Variants in LMTK3 observed in about 807,000 individuals in gnomAD.
The protein encoded by LMTK3 is serine/threonine-protein kinase LMTK3.
Under a neutral mutation model 116.7 loss-of-function variants are expected in LMTK3, and 27 were observed. The observed-to-expected ratio is 0.23, with a 90% CI of 0.17 to 0.32. The LOEUF is 0.32. Ranked by LOEUF, LMTK3 falls within the 10% of genes least tolerant of loss-of-function variation. The probability of loss-of-function intolerance (pLI) is 1.00; values close to 1 mark genes in which losing one functional copy is unlikely to be tolerated. For missense variants in LMTK3, 1,764 were observed against 2,068.5 expected (o/e 0.85, Z 2.86); for synonymous variants, 965 against 971.0 (o/e 0.99, Z 0.11).
At chr19:48,503,789 T>TTCTCTCTC (rs148406252) in intron 5 of LMTK3, among the ~76,000 whole-genome samples, 5 of 149,502 alleles carry the variant, frequency 3.3e-5, no homozygotes, top group African/African-American at 9.9e-5. Context: ...ACCTACAGTT[T>TTCTCTCTC]TCTCTCTCTC....
chr19:48,487,422 G>A (rs116029028), intron 14 of LMTK3, among the ~76,000 whole-genome samples: 3,009 of 152,134 alleles, frequency 0.02, 53 homozygotes, highest in Middle Eastern at 0.14. Context: ...TGATCTGCCC[G>A]CCTTGGTCTC....
At position 48,498,366 on chromosome 19, in the gene LMTK3, C is replaced by T. The variant is rs374685950; in HGVS notation, c.2703G>A (p.Pro901=). The T allele has an allele frequency of 5.6e-6, 9 of 1,612,872 alleles. No individual in the cohort carries two copies. The highest frequency in any genetic ancestry group is 3.3e-5 in the South Asian group (3 of 91,060). Residue 901 remains proline (P), a synonymous_variant, in exon 11 of 15, where the codon CCG becomes CCA. Transcript: ENST00000600059. ...GGACTGTCGGGTCCCTGTTCAGGCC[C>T]GGGACTTTCTCTCTGTTCCCGGGGC... The part of the protein sequence containing the change: ...GRGPGNREKV[P]GLNRDPTVLG...
intron 5 of LMTK3, among the ~76,000 whole-genome samples, chr19:48,506,036 G>A (rs888758464): frequency 6.6e-6 from 1 of 151,728 alleles, no homozygotes; most frequent in Non-Finnish European, 1.5e-5. Flanking sequence ...CAGCTACTCT[G>A]GAGGCTGAGG....
intron 14 of LMTK3, among the ~76,000 whole-genome samples, chr19:48,488,306 C>G (rs1396270252): frequency 1.3e-5 from 2 of 152,120 alleles, no homozygotes; most frequent in Admixed American, 1.3e-4. Context: ...GCCCCCAGAC[C>G]TGTCCCACCT....
In LMTK3 at chr19:48,511,592, A is replaced by G. The variant is rs577629458; in HGVS notation, c.-16T>C. On this transcript the variant is annotated 5_prime_UTR_variant, in exon 1 of 15. Transcript: ENST00000600059. ...GGGCAGGCATCTTGTCGAGGATGGC[A>G]GGGAGGTGGAGGTGGTGGCGGCTGG... 2 of 739,548 alleles carry G rather than the reference A, an allele frequency of 2.7e-6. No homozygotes were observed. The highest frequency in any genetic ancestry group is 3.4e-6 in the Non-Finnish European group (2 of 586,416). The allele number at this position is 739,548 out of a possible 1,614,324, so 45.8% of individuals were successfully genotyped here.
upstream of LMTK3, chr19:48,513,520 T>C: frequency 3.3e-6 from 1 of 301,264 alleles, no homozygotes; most frequent in Non-Finnish European, 6.3e-6. The surrounding 1 kb of genome is among the most constrained non-coding windows in gnomAD (Gnocchi z 5.6). Context: ...CATCCCACCC[T>C]CCAGCGCCCC....
In LMTK3 at chr19:48,499,603, C is replaced by T. The variant is rs1972422235; in HGVS notation, c.1466G>A (p.Gly489Asp). The T allele has an allele frequency of 3.9e-6, 6 of 1,541,792 alleles. No individual in the cohort carries two copies. The highest frequency in any genetic ancestry group is 1.2e-5 in the South Asian group (1 of 83,694). The change falls in exon 11 of 15, where the codon GGC becomes GAC. Residue 489 changes from glycine to aspartate, a missense_variant. Around this residue, in one of 7 missense-constraint regions of LMTK3, gnomAD observed 1,028 missense variants for 1,050.6 expected, o/e 0.98. Coordinates refer to ENST00000600059, the MANE Select transcript of LMTK3 (RefSeq NM_001388485.1). Reference protein sequence around the residue: ...CLWEKARRGAGRGGGAPAWQP... With the variant: ...CLWEKARRGADRGGGAPAWQP... ...CCAGGCAGGTGCCCCCCCACCCCGG[C>T]CGGCCCCACGCCGGGCCTTCTCCCA...
chr19:48,499,927 G>C lies in LMTK3; in HGVS notation c.1152-10C>G, dbSNP rs1323872037. The C allele has an allele frequency of 1.9e-6, 3 of 1,577,816 alleles. 1 individual carries two copies. The highest frequency in any genetic ancestry group is 8.6e-7 in the Non-Finnish European group (1 of 1,164,240). On this transcript the variant is annotated splice_polypyrimidine_tract_variant and intron_variant, in intron 10 of 14. Transcript: ENST00000600059. ...CTGAAGAATGTCATACCTGGGGAGA[G>C]GTGGGGCAGAGTGAGCAGGGCAGAG... is the stretch of plus-strand genomic sequence containing the variant.
Position 48,499,559 on chromosome 19 carries a change from G to A in LMTK3, c.1510C>T (p.Pro504Ser). ...TTGGAGGGGTTGGCGTGGGGGGCCG[G>A]GGGGGCCGACGCCGGCTGCCAGGCA... ...APAWQPASAP[P>S]APHANPSNPF... The change falls in exon 11 of 15, where the codon CCG (proline) becomes TCG (serine). Residue 504 changes from proline (P) to serine (S), a missense_variant. Pro to Ser is a moderately conservative substitution (Grantham distance 74). Coordinates refer to ENST00000600059, the MANE Select transcript of LMTK3 (RefSeq NM_001388485.1). 1 of 1,519,218 alleles carries A rather than the reference G, an allele frequency of 6.6e-7. No homozygotes were observed. Among genetic ancestry groups the A allele is most frequent in the African/African-American group, 1.4e-5 (1 of 71,454 alleles). The allele number at this position is 1,519,218 out of a possible 1,614,324, so 94.1% of individuals were successfully genotyped here.
chr19:48,498,410 G>C lies in LMTK3; in HGVS notation c.2659C>G (p.Pro887Ala), dbSNP rs1057278322. The change falls in exon 11 of 15, where the codon CCC (proline) becomes GCC (alanine). Residue 887 changes from proline (P) to alanine (A), a missense_variant. By Grantham distance (27) the Pro-to-Ala change is conservative. This residue lies in a region of LMTK3 where 1,028 missense variants were observed against 1,050.6 expected (regional missense o/e 0.98). Coordinates refer to ENST00000600059, the MANE Select transcript of LMTK3 (RefSeq NM_001388485.1). The part of the protein sequence containing the change: ...EKGATARETG[P>A]RKAGRGPGNR... The stretch of plus-strand genomic sequence containing the variant: ...CCGGGGCCTCTCCCCGCCTTCCTGG[G>C]TCCTGTCTCCCGGGCTGTCGCCCCC... 2 of 1,610,218 alleles carry C rather than the reference G, an allele frequency of 1.2e-6. No homozygotes were observed. The highest frequency in any genetic ancestry group is 1.7e-6 in the Non-Finnish European group (2 of 1,178,566).
Position 48,502,429 on chromosome 19 carries a change from C to T in LMTK3, c.794+4G>A. The T allele has an allele frequency of 6.2e-7, 1 of 1,609,886 alleles. No individual in the cohort carries two copies. The highest frequency in any genetic ancestry group is 8.5e-7 in the Non-Finnish European group (1 of 1,178,812). On this transcript the variant is annotated splice_donor_region_variant and intron_variant, in intron 7 of 14. Transcript: ENST00000600059. ...CTCCTCCCGCGGCTCCCCGGCCCGC[C>T]CACCTGTGCACGTAGTTGTGGGAAT...
chr19:48,508,905 G>T lies in LMTK3; in HGVS notation c.503C>A (p.Ala168Asp). 1.2e-6 allele frequency: 2 copies of T among 1,613,588 alleles called. No homozygotes were observed. The highest frequency in any genetic ancestry group is 2.2e-5 in the South Asian group (2 of 91,064). ...GCGTTGCTCCAGGGGCCCCGCGCTGGCTCGGAGCTCCTTCACCACCACCTG... is the reference window on the plus strand; with the variant it reads ...GCGTTGCTCCAGGGGCCCCGCGCTGTCTCGGAGCTCCTTCACCACCACCTG... ...PAQVVVKELR[A>D]SAGPLEQRKF... The change falls in exon 5 of 15, where the codon GCC (alanine) becomes GAC (aspartate). Residue 168 changes from alanine to aspartate, a missense_variant. Ala to Asp is a moderately radical substitution (Grantham distance 126, BLOSUM62 -2). Around this residue, in one of 7 missense-constraint regions of LMTK3, gnomAD observed 271 missense variants for 478.2 expected, o/e 0.57. Coordinates refer to ENST00000600059, the MANE Select transcript of LMTK3 (RefSeq NM_001388485.1).
Position 48,491,632 on chromosome 19 carries a change from C to T in LMTK3, c.4093-93G>A. 1.7e-6 allele frequency: 2 copies of T among 1,149,698 alleles called. No individual in the cohort carries two copies. The highest frequency in any genetic ancestry group is 2.2e-6 in the Non-Finnish European group (2 of 895,342). The allele number at this position is 1,149,698 out of a possible 1,614,324, so 71.2% of individuals were successfully genotyped here. A position where few individuals can be genotyped will look rare whatever the true frequency, so the allele number is the denominator to read the frequency against. ...AAAGCAACAAAACCGGCTAATATTT[C>T]TGGGGCTCTAGGAATCCCAATTTGT... On this transcript the variant is annotated intron_variant, in intron 12 of 14. Transcript: ENST00000600059. The surrounding 1 kb of genome is among the most constrained non-coding windows in gnomAD (Gnocchi z 5.1).
chr19:48,506,305 TA>T (rs1379200330), intron 5 of LMTK3, among the ~76,000 whole-genome samples: 1 of 151,008 alleles, frequency 6.6e-6, no homozygotes, highest in African/African-American at 2.4e-5. Flanking sequence ...TCTTCTCCAC[TA>T]GGGGGTGAGC....
rs1972453234 is a variant in LMTK3 at position 48,500,924 on chromosome 19, A to T, written c.1151+72T>A. The T allele has an allele frequency of 7.1e-7, 1 of 1,404,836 alleles. No homozygotes were observed. The highest frequency in any genetic ancestry group is 2.9e-5 in the Admixed American group (1 of 34,266). The allele number at this position is 1,404,836 out of a possible 1,614,324, so 87.0% of individuals were successfully genotyped here. A position where few individuals can be genotyped will look rare whatever the true frequency, so the allele number is the denominator to read the frequency against. ...AAACGGGATGTGGGTGATGTGGGAA[A>T]CGAGGGGGGATGCTGGGACCATCCT... On this transcript the variant is annotated intron_variant, in intron 10 of 14. Coordinates refer to ENST00000600059, the MANE Select transcript of LMTK3 (RefSeq NM_001388485.1). The surrounding 1 kb of genome is among the most constrained non-coding windows in gnomAD (Gnocchi z 4.0).
intron 11 of LMTK3, among the ~76,000 whole-genome samples, chr19:48,496,337 C>T (rs1036887309): frequency 1.9e-4 from 28 of 148,936 alleles, no homozygotes; most frequent in Non-Finnish European, 3.7e-4. Flanking sequence ...CTCGCTTTAT[C>T]GCCCAGGCTG....
At chr19:48,495,871 A>C (rs1357825321) in intron 11 of LMTK3, among the ~76,000 whole-genome samples, 1 of 152,244 alleles carries the variant, frequency 6.6e-6, no homozygotes, top group Admixed American at 6.5e-5. Context: ...TTTATCTTAA[A>C]GAGTTTTCTC....
chr19:48,489,262 G>C (rs1972178959), intron 14 of LMTK3, among the ~76,000 whole-genome samples: 1 of 152,188 alleles, frequency 6.6e-6, no homozygotes, highest in Non-Finnish European at 1.5e-5. Flanking sequence ...ATTAAGTGCA[G>C]TAATAGCTAA....
At chr19:48,508,548 C>G (rs1318853407) in intron 5 of LMTK3, among the ~76,000 whole-genome samples, 1 of 152,042 alleles carries the variant, frequency 6.6e-6, no homozygotes, top group African/African-American at 2.4e-5. Context: ...TCTCAGCTGC[C>G]CTCTTCATGA....
Sources: allele counts gnomAD v4.1 joint callset (sites outside exome capture counted in the v4.1 genomes callset), GRCh38; gene constraint gnomAD v4.1.1; regional missense constraint gnomAD v4.1.1; non-coding constraint Gnocchi (gnomAD v3.1); transcripts MANE v1.5; gene names NCBI Gene and HGNC (gene_info 2026-07-23, HGNC 2026-07-21).